DPP6: variants seen among roughly 807,000 people sequenced by gnomAD.
DPP6 encodes dipeptidyl peptidase like 6.
A neutral mutation model predicts 122.6 loss-of-function variants in DPP6; 69 were observed. That is an observed-to-expected ratio of 0.56 (90% CI 0.46 to 0.69). The LOEUF (loss-of-function observed/expected upper bound fraction) is 0.69. DPP6 is among the 30% of genes least tolerant of loss of function. DPP6 has a pLI of 0.00. For missense variants in DPP6, 928 were observed against 1,116.9 expected, an observed-to-expected ratio of 0.83 and a Z score of 2.41; for synonymous variants, 418 against 433.1, an observed-to-expected ratio of 0.97 and a Z score of 0.43.
chr7:154,479,648 A>G (rs1823080779), intron 3 of DPP6, among the ~76,000 whole-genome samples: 1 of 151,958 alleles, frequency 6.6e-6, no homozygotes, highest in Non-Finnish European at 1.5e-5. Flanking sequence ...AAGTGGTCAC[A>G]GCATTGCCTC....
intron 1 of DPP6, among the ~76,000 whole-genome samples, chr7:154,012,147 GT>G (rs1209533762): frequency 6.6e-6 from 1 of 152,146 alleles, no homozygotes; most frequent in East Asian, 1.9e-4. Context: ...TTAGAGCCAG[GT>G]TTAGTCCACA....
chr7:154,153,770 A>T (rs927908612), intron 1 of DPP6, among the ~76,000 whole-genome samples: 7 of 152,378 alleles, frequency 4.6e-5, no homozygotes, highest in Admixed American at 4.6e-4. Context: ...TAGTCAACAC[A>T]TAGATGAACG....
At chr7:154,148,342 G>A (rs576739496) in intron 1 of DPP6, among the ~76,000 whole-genome samples, 11 of 149,548 alleles carry the variant, frequency 7.4e-5, no homozygotes, top group African/African-American at 1.7e-4. Flanking sequence ...TCCAGCCAGC[G>A]GGCCTGGACT....
At chr7:154,887,985 A>G (rs1432413718) in intron 23 of DPP6, among the ~76,000 whole-genome samples, 1 of 151,792 alleles carries the variant, frequency 6.6e-6, no homozygotes, top group Non-Finnish European at 1.5e-5. Flanking sequence ...AAGTAAGAGG[A>G]TATTTGATGG....
chr7:154,287,831 G>A (rs1280087490), intron 1 of DPP6, among the ~76,000 whole-genome samples: 4 of 152,208 alleles, frequency 2.6e-5, no homozygotes, highest in African/African-American at 7.2e-5. Flanking sequence ...AGGGAAGGTT[G>A]TCCTGAGATG....
At chr7:153,948,647 A>G (rs1271241783) in intron 1 of DPP6, among the ~76,000 whole-genome samples, 1 of 151,072 alleles carries the variant, frequency 6.6e-6, no homozygotes, top group East Asian at 1.9e-4. Flanking sequence ...ATCAGATGAG[A>G]TAAAATATGT....
chr7:154,216,838 T>G (rs1378805797), intron 1 of DPP6, among the ~76,000 whole-genome samples: 11 of 150,580 alleles, frequency 7.3e-5, no homozygotes, highest in Non-Finnish European at 1.0e-4. Flanking sequence ...CTGTTGTTTT[T>G]TTTTTTTTTT....
intron 1 of DPP6, among the ~76,000 whole-genome samples, chr7:154,280,369 A>G (rs1226307334): frequency 1.3e-5 from 2 of 152,138 alleles, no homozygotes; most frequent in Non-Finnish European, 2.9e-5. Context: ...GTTGGTAGCA[A>G]GACTGCAGGA....
At chr7:154,516,486 A>G (rs533150119) in intron 3 of DPP6, among the ~76,000 whole-genome samples, 1 of 152,282 alleles carries the variant, frequency 6.6e-6, no homozygotes, top group South Asian at 2.1e-4. Context: ...AGAAAATGTG[A>G]CGTATAATCA....
intron 1 of DPP6, among the ~76,000 whole-genome samples, chr7:154,273,536 T>C (rs1424985667): frequency 6.6e-6 from 1 of 152,206 alleles, no homozygotes. Flanking sequence ...TACAGTCTTA[T>C]GGATGGGTTA....
chr7:153,866,308 G>A, the DPP6 span, among the ~76,000 whole-genome samples: 1 of 152,138 alleles, frequency 6.6e-6, no homozygotes, highest in Non-Finnish European at 1.5e-5. Flanking sequence ...ATCCTCTCCA[G>A]CACCTGTTGT....
At chr7:154,512,800 T>C (rs1826193046) in intron 3 of DPP6, among the ~76,000 whole-genome samples, 1 of 152,174 alleles carries the variant, frequency 6.6e-6, no homozygotes, top group African/African-American at 2.4e-5. Context: ...TAAATTTTCA[T>C]CCCTTGATTG....
At chr7:154,002,919 T>C (rs1797749898) in intron 1 of DPP6, among the ~76,000 whole-genome samples, 1 of 152,174 alleles carries the variant, frequency 6.6e-6, no homozygotes, top group Non-Finnish European at 1.5e-5. Context: ...CCAGCTCTGC[T>C]TGAGTCTGTC....
chr7:154,053,077 G>T lies in DPP6; in HGVS notation c.243+14G>T, dbSNP rs1292191401. 1 of 998,276 alleles carries T rather than the reference G, an allele frequency of 1.0e-6. No homozygotes were observed. Among genetic ancestry groups the T allele is most frequent in the Non-Finnish European group, 1.2e-6 (1 of 849,980 alleles). 61.8% of individuals were successfully genotyped at this position (998,276 alleles called of 1,614,324 possible). ...GACGAGGAGGACGTAAGAGCTTCTC[G>T]GGGGCGGGGGGCGGCGGCGGGTTCT... is the stretch of plus-strand genomic sequence containing the variant. On this transcript the variant is annotated intron_variant, in intron 1 of 25. Coordinates refer to ENST00000377770, the MANE Select transcript of DPP6 (RefSeq NM_130797.4).
rs550494264 is a variant in DPP6, at chr7:154,107,970, G to A, written c.243+54907G>A. Among the ~76,000 whole-genome samples the A allele has an allele frequency of 1.2e-4, 18 of 152,330 alleles. No homozygotes were observed. The East Asian group carries it at 2.1e-3, about 18-fold the overall frequency. On this transcript the variant is annotated intron_variant, in intron 1 of 25. Transcript: ENST00000377770. Reference sequence around the variant, plus strand: ...TTCCATTTGAACTTCAATTTTCGTTGCTTTGAAATCTCATTCAGTTGAATT... The same window carrying A: ...TTCCATTTGAACTTCAATTTTCGTTACTTTGAAATCTCATTCAGTTGAATT...
chr7:154,890,281 CAGAG>C (rs10611553), intron 25 of DPP6: 8,614 of 152,394 alleles, frequency 0.057, 489 homozygotes, highest in African/African-American at 0.15. Flanking sequence ...CTGCCTCCCT[CAGAG>C]AGCTCTTGCC....
intron 1 of DPP6, among the ~76,000 whole-genome samples, chr7:154,396,990 A>C: frequency 6.6e-6 from 1 of 152,162 alleles, no homozygotes; most frequent in Admixed American, 6.6e-5. Context: ...GAACATTATA[A>C]TAAATGATGA....
intron 1 of DPP6, among the ~76,000 whole-genome samples, chr7:153,998,476 G>A (rs1232515117): frequency 6.6e-6 from 1 of 152,010 alleles, no homozygotes; most frequent in Non-Finnish European, 1.5e-5. Flanking sequence ...TAATCCCCTG[G>A]TACCAAGCAA....
chr7:154,221,135 G>T (rs1800280316), intron 1 of DPP6, among the ~76,000 whole-genome samples: 1 of 151,936 alleles, frequency 6.6e-6, no homozygotes, highest in Admixed American at 6.6e-5. Flanking sequence ...TGGCCATTAG[G>T]TTTCCTTTTA....
Sources: gnomAD v4.1 joint callset for allele counts (sites outside exome capture counted in the v4.1 genomes callset) on GRCh38, gnomAD v4.1.1 for gene constraint, MANE v1.5 for transcripts, NCBI Gene and HGNC (gene_info 2026-07-23, HGNC 2026-07-21) for gene names.